PRKCH: variants seen among roughly 807,000 people sequenced by gnomAD.
PRKCH encodes the protein protein kinase C eta type.
Under a neutral mutation model 82.5 loss-of-function variants are expected in PRKCH, and 28 were observed. That is an observed-to-expected ratio of 0.34 (90% CI 0.25 to 0.47). The LOEUF (loss-of-function observed/expected upper bound fraction) is 0.47. Among genes scored for constraint, PRKCH ranks in the 20% least tolerant of loss-of-function variants. PRKCH has a pLI of 1.00. For synonymous variants in PRKCH, 322 were observed against 327.4 expected, an observed-to-expected ratio of 0.98 and a Z score of 0.18; for missense variants, 705 against 881.8, an observed-to-expected ratio of 0.80 and a Z score of 2.54.
intron 9 of PRKCH, among the ~76,000 whole-genome samples, chr14:61,465,126 T>A (rs1298397241): frequency 6.6e-6 from 1 of 152,272 alleles, no homozygotes; most frequent in Admixed American, 6.5e-5. Flanking sequence ...GGATATTAAC[T>A]CCTTATCCAG....
chr14:61,224,864 G>C (rs1228588044), intron 1 of PRKCH, among the ~76,000 whole-genome samples: 1 of 152,192 alleles, frequency 6.6e-6, no homozygotes, highest in Non-Finnish European at 1.5e-5. Flanking sequence ...TTCTTCATCT[G>C]TGTGTGGTAA....
At chr14:61,416,730 TG>T (rs527236938) in intron 2 of PRKCH, among the ~76,000 whole-genome samples, 266 of 152,200 alleles carry the variant, frequency 1.7e-3, no homozygotes, top group African/African-American at 5.9e-3. Context: ...ACTCACATTG[TG>T]GCAACACCCG....
chr14:61,487,771 T>G (rs1331298237), intron 10 of PRKCH, among the ~76,000 whole-genome samples: 2 of 150,250 alleles, frequency 1.3e-5, no homozygotes, highest in African/African-American at 2.5e-5. Flanking sequence ...GCGGGGAGGA[T>G]CGCTTGAGCC....
chr14:61,361,105 T>C (rs1240981739), intron 1 of PRKCH: 1 of 152,272 alleles, frequency 6.6e-6, no homozygotes, highest in Non-Finnish European at 1.5e-5. Flanking sequence ...TTTTGGATTA[T>C]GGAGAGCTGT....
intron 1 of PRKCH, among the ~76,000 whole-genome samples, chr14:61,346,264 G>A (rs2045991198): frequency 6.6e-6 from 1 of 151,978 alleles, no homozygotes; most frequent in Admixed American, 6.6e-5. Context: ...TCTCCTTTTG[G>A]ATATATCTCC....
intron 13 of PRKCH, 23 bp from the exon 14 acceptor site, chr14:61,549,662 T>C: frequency 4.4e-6 from 7 of 1,607,624 alleles, no homozygotes; most frequent in Non-Finnish European, 5.1e-6. Flanking sequence ...ATCTCACCCT[T>C]GTTTCCCTTT....
intron 1 of PRKCH, among the ~76,000 whole-genome samples, chr14:61,326,073 T>C (rs967533776): frequency 2.0e-5 from 3 of 152,236 alleles, no homozygotes; most frequent in African/African-American, 4.8e-5. Context: ...ATCAAACATA[T>C]GCCTACTATA....
intron 1 of PRKCH, among the ~76,000 whole-genome samples, chr14:61,262,219 TAA>T (rs1297799647): frequency 9.4e-6 from 1 of 106,578 alleles, no homozygotes. Flanking sequence ...AGACTCTGTA[TAA>T]AAAAAAAAAA....
chr14:61,226,561 C>G (rs1056696685), intron 1 of PRKCH, among the ~76,000 whole-genome samples: 8 of 152,186 alleles, frequency 5.3e-5, no homozygotes, highest in African/African-American at 1.7e-4. Flanking sequence ...CAACTGTGTC[C>G]TGCTCCTTTT....
At chr14:61,403,535 G>A (rs1881776817) in intron 2 of PRKCH, among the ~76,000 whole-genome samples, 1 of 152,210 alleles carries the variant, frequency 6.6e-6, no homozygotes, top group Non-Finnish European at 1.5e-5. Flanking sequence ...ATAAGGTCAG[G>A]AAGTGACACC....
chr14:61,329,749 G>A (rs933107825), intron 1 of PRKCH, among the ~76,000 whole-genome samples: 1 of 152,112 alleles, frequency 6.6e-6, no homozygotes, highest in South Asian at 2.1e-4. Context: ...TGCCAGTCTG[G>A]GTTTGGTCCT....
chr14:61,439,682 C>T (rs1307795182), intron 2 of PRKCH, among the ~76,000 whole-genome samples: 1 of 151,960 alleles, frequency 6.6e-6, no homozygotes. Context: ...GTTAGCATGT[C>T]ACCCGGCTTT....
intron 1 of PRKCH, among the ~76,000 whole-genome samples, chr14:61,210,121 T>TATATAG (rs2044560249): frequency 8.2e-5 from 2 of 24,426 alleles, no homozygotes; most frequent in Non-Finnish European, 1.4e-4. Context: ...AATATATATA[T>TATATAG]ATATATATAT....
chr14:61,520,241 AT>A (rs1331350634), intron 10 of PRKCH, among the ~76,000 whole-genome samples: 4 of 152,158 alleles, frequency 2.6e-5, no homozygotes, highest in African/African-American at 9.7e-5. Flanking sequence ...ATAGACTTTT[AT>A]GTTTTTCCTC....
At position 61,328,206 on chromosome 14, in the gene PRKCH, C is replaced by T. The variant is rs192952751; in HGVS notation, c.363+5742C>T. Among the ~76,000 whole-genome samples, 17 of 136,822 alleles carry T rather than the reference C, an allele frequency of 1.2e-4. No homozygotes were observed. In the East Asian group the frequency reaches 3.5e-3, roughly 28 times the overall value. 89.8% of individuals were successfully genotyped at this position (136,822 alleles called of 152,430 possible). Reference sequence around the variant, plus strand: ...CGGAGCTTGCAGTGAGCCGAGATTGCGCCACTGCGGTCCGCAGTCCGGCCT... The same window carrying T: ...CGGAGCTTGCAGTGAGCCGAGATTGTGCCACTGCGGTCCGCAGTCCGGCCT... On this transcript the variant is annotated intron_variant, in intron 1 of 13. Coordinates refer to ENST00000332981, the MANE Select transcript of PRKCH (RefSeq NM_006255.5).
chr14:61,541,279 C>T (rs761367326), intron 12 of PRKCH, among the ~76,000 whole-genome samples: 3 of 152,274 alleles, frequency 2.0e-5, no homozygotes, highest in Admixed American at 6.5e-5. Flanking sequence ...GCCTGCAACA[C>T]GCATGCGTGG....
chr14:61,250,580 G>T (rs774105338), intron 1 of PRKCH, among the ~76,000 whole-genome samples: 4 of 152,146 alleles, frequency 2.6e-5, no homozygotes, highest in Non-Finnish European at 5.9e-5. Flanking sequence ...GGTTGCCAAA[G>T]GTTAGGGGGA....
At chr14:61,492,675 T>C (rs1256480023) in intron 10 of PRKCH, among the ~76,000 whole-genome samples, 1 of 152,236 alleles carries the variant, frequency 6.6e-6, no homozygotes, top group Non-Finnish European at 1.5e-5. Flanking sequence ...TGCCACCTAG[T>C]GCCGGATGTT....
At chr14:61,373,509 A>G (rs2046390151) in intron 1 of PRKCH, among the ~76,000 whole-genome samples, 2 of 151,980 alleles carry the variant, frequency 1.3e-5, no homozygotes, top group Admixed American at 6.5e-5. Flanking sequence ...GGGGACACAG[A>G]GCCAGACCAT....
Sources: gnomAD v4.1 joint callset for allele counts (sites outside exome capture counted in the v4.1 genomes callset) on GRCh38, gnomAD v4.1.1 for gene constraint, MANE v1.5 for transcripts, NCBI Gene and HGNC (gene_info 2026-07-23, HGNC 2026-07-21) for gene names.